SYT17: variants seen among roughly 807,000 people sequenced by gnomAD.
The protein encoded by SYT17 is synaptotagmin-17.
Under a neutral mutation model 46.7 loss-of-function variants are expected in SYT17, and 22 were observed. The observed-to-expected ratio is 0.47, with a 90% CI of 0.34 to 0.67. The LOEUF (loss-of-function observed/expected upper bound fraction) is 0.67. SYT17 is among the 30% of genes least tolerant of loss of function. The pLI is 0.01. For missense variants in SYT17, 519 were observed against 612.8 expected, an observed-to-expected ratio of 0.85 and a Z score of 1.62; for synonymous variants, 251 against 248.4, an observed-to-expected ratio of 1.01 and a Z score of -0.10.
intron 5 of SYT17, among the ~76,000 whole-genome samples, chr16:19,214,199 T>C (rs1173664370): frequency 6.6e-6 from 1 of 152,230 alleles, no homozygotes; most frequent in Non-Finnish European, 1.5e-5. Flanking sequence ...TAGCACCTCA[T>C]GGATGTCTGT....
chr16:19,250,175 C>A, intron 7 of SYT17: 1 of 1,213,422 alleles, frequency 8.2e-7, no homozygotes, highest in Non-Finnish European at 1.1e-6. Flanking sequence ...CCCATGAACA[C>A]CCATATTTCT....
At position 19,184,120 on chromosome 16, in the gene SYT17, G is replaced by T. The variant is rs776930688; in HGVS notation, c.924G>T (p.Trp308Cys). ...CEVDLVKGGH[W>C]WKALIPSSQN... ...TTGACCTGGTCAAGGGCGGGCACTG[G>T]TGGAAGGCGCTGATTCCCAGTTCTC... The change falls in exon 5 of 8, where the codon TGG becomes TGT. Residue 308 changes from tryptophan to cysteine, a missense_variant. Coordinates refer to ENST00000355377, the MANE Select transcript of SYT17 (RefSeq NM_016524.4). 18 of 1,613,924 alleles carry T rather than the reference G, an allele frequency of 1.1e-5. No individual in the cohort carries two copies. The highest frequency in any genetic ancestry group is 1.4e-5 in the Non-Finnish European group (16 of 1,179,890).
intron 4 of SYT17, 133 bp downstream of exon 4, chr16:19,180,672 C>A: frequency 9.6e-7 from 1 of 1,038,266 alleles, no homozygotes; most frequent in Non-Finnish European, 1.4e-6. Context: ...GGAGACAGGG[C>A]GAGAGAGAGA....
chr16:19,171,593 G>A (rs1387436206), intron 1 of SYT17: 1 of 152,130 alleles, frequency 6.6e-6, no homozygotes, highest in Admixed American at 6.5e-5. Flanking sequence ...CCAAAGTACT[G>A]TGATTATAGG....
At chr16:19,210,118 T>A (rs905104577) in intron 5 of SYT17, among the ~76,000 whole-genome samples, 2 of 152,134 alleles carry the variant, frequency 1.3e-5, no homozygotes, top group African/African-American at 4.8e-5. Context: ...GAGGTACACA[T>A]GAAATTTTGT....
chr16:19,175,565 C>A (rs1355141865), intron 3 of SYT17, among the ~76,000 whole-genome samples: 2 of 143,654 alleles, frequency 1.4e-5, no homozygotes, highest in Non-Finnish European at 3.0e-5. Flanking sequence ...TTGGAAGGAT[C>A]GTTTGAGCCT....
chr16:19,185,157 C>T (rs1197535065), intron 5 of SYT17, among the ~76,000 whole-genome samples: 1 of 151,932 alleles, frequency 6.6e-6, no homozygotes, highest in Admixed American at 6.6e-5. Flanking sequence ...TTTCTCCCTC[C>T]TTCCCCTCCT....
In SYT17 at chr16:19,183,594, G is replaced by C. The variant is rs1964643271; in HGVS notation, c.398G>C (p.Ser133Thr). The change falls in exon 5 of 8, where the codon AGC becomes ACC. Residue 133 changes from serine (S) to threonine (T), a missense_variant. Transcript: ENST00000355377. The surrounding 1 kb of genome is among the most constrained non-coding windows in gnomAD (Gnocchi z 5.6). ...DIKPIEFGVL[S>T]AKKEPIQPSV... is the part of the protein sequence containing the mutation. ...AAACCCATCGAGTTTGGCGTTCTCA[G>C]CGCCAAGAAGGAGCCCATCCAACCT... The C allele has an allele frequency of 6.2e-7, 1 of 1,614,162 alleles. No individual in the cohort carries two copies. The highest frequency in any genetic ancestry group is 8.5e-7 in the Non-Finnish European group (1 of 1,180,030).
rs556401764 is a variant in SYT17, at chr16:19,176,812, C to T, written c.182+3234C>T. Among the ~76,000 whole-genome samples the T allele has an allele frequency of 8.5e-5, 13 of 152,232 alleles. No homozygotes were observed. The South Asian group carries it at 1.9e-3, about 22-fold the overall frequency. On this transcript the variant is annotated intron_variant, in intron 3 of 7. Coordinates refer to ENST00000355377, the MANE Select transcript of SYT17 (RefSeq NM_016524.4). Reference sequence around the variant, plus strand: ...GATTACAGGTGAGAGCCGCGGCAACCGGCTGTGAATTATCGCTTGATTAAT... The same window carrying T: ...GATTACAGGTGAGAGCCGCGGCAACTGGCTGTGAATTATCGCTTGATTAAT...
chr16:19,260,584 A>G (rs1230624137), intron 7 of SYT17, among the ~76,000 whole-genome samples: 2 of 151,544 alleles, frequency 1.3e-5, no homozygotes, highest in Non-Finnish European at 2.9e-5. Flanking sequence ...CTTCATGTTA[A>G]TGTTGGCATG....
At chr16:19,185,900 C>T (rs1374208597) in intron 5 of SYT17, among the ~76,000 whole-genome samples, 1 of 152,204 alleles carries the variant, frequency 6.6e-6, no homozygotes, top group Non-Finnish European at 1.5e-5. Context: ...AAGCGGTAAT[C>T]ACACCTGGTG....
chr16:19,180,130 C>A, intron 3 of SYT17: 1 of 425,556 alleles, frequency 2.3e-6, no homozygotes. Context: ...GCTCTCCACC[C>A]AACCCCAGCT....
intron 5 of SYT17, among the ~76,000 whole-genome samples, chr16:19,204,013 G>A (rs1169834935): frequency 5.9e-5 from 9 of 152,190 alleles, no homozygotes; most frequent in Admixed American, 2.0e-4. Flanking sequence ...GATGGGAGCC[G>A]TTACAAGACA....
chr16:19,243,613 C>G (rs1433849183), intron 7 of SYT17, among the ~76,000 whole-genome samples: 1 of 151,880 alleles, frequency 6.6e-6, no homozygotes, highest in African/African-American at 2.4e-5. Flanking sequence ...GAGTTCAAGA[C>G]CAGCTGACCA....
intron 5 of SYT17, among the ~76,000 whole-genome samples, chr16:19,187,845 G>A (rs2352976): frequency 0.3 from 46,156 of 152,102 alleles, 7,144 homozygotes; most frequent in Admixed American, 0.33. Flanking sequence ...AGATGCTGGT[G>A]AGGTTATAGA....
rs527890980 is a variant in SYT17, at chr16:19,181,434, T to C, written c.331+895T>C. ...AATCCATTCAGGTGGAGATCATTGG[T>C]GTCCAACCTTTCCTGGGGATAGAGG... On this transcript the variant is annotated intron_variant, in intron 4 of 7. Coordinates refer to ENST00000355377, the MANE Select transcript of SYT17 (RefSeq NM_016524.4). Among the ~76,000 whole-genome samples, 6 of 151,490 alleles carry C rather than the reference T, an allele frequency of 4.0e-5. No individual in the cohort carries two copies. The South Asian group carries it at 1.3e-3, about 32-fold the overall frequency.
Position 19,183,377 on chromosome 16 carries a change from C to T in SYT17, c.332-151C>T. The T allele has an allele frequency of 7.7e-6, 9 of 1,171,518 alleles. No homozygotes were observed. The highest frequency in any genetic ancestry group is 9.5e-6 in the Non-Finnish European group (8 of 837,722). 72.6% of individuals were successfully genotyped at this position (1,171,518 alleles called of 1,614,324 possible). A position where few individuals can be genotyped will look rare whatever the true frequency, so the allele number is the denominator to read the frequency against. On this transcript the variant is annotated intron_variant, in intron 4 of 7. Coordinates refer to ENST00000355377, the MANE Select transcript of SYT17 (RefSeq NM_016524.4). This position sits in a 1 kb window ranked among gnomAD's most constrained non-coding sequence, Gnocchi z 5.6. ...TCAATAGTGCCACCAAACTATCTGT[C>T]ACAGAATCAGTGAGTATTTCAGAGT...
At chr16:19,246,718 C>A (rs1472965225) in intron 7 of SYT17, among the ~76,000 whole-genome samples, 3 of 152,152 alleles carry the variant, frequency 2.0e-5, no homozygotes, top group Admixed American at 1.3e-4. Flanking sequence ...GCTTTACTGC[C>A]ACTTGCTCTT....
chr16:19,257,335 C>G (rs931994989), intron 7 of SYT17, among the ~76,000 whole-genome samples: 1 of 150,810 alleles, frequency 6.6e-6, no homozygotes, highest in Non-Finnish European at 1.5e-5. Flanking sequence ...TACATATACC[C>G]GCTCATTGTA....
Sources: gnomAD v4.1 joint callset for allele counts (sites outside exome capture counted in the v4.1 genomes callset) on GRCh38, gnomAD v4.1.1 for gene constraint, Gnocchi (gnomAD v3.1) non-coding constraint, MANE v1.5 for transcripts, NCBI Gene and HGNC (gene_info 2026-07-23, HGNC 2026-07-21) for gene names.